The following SPOCK3 variants were observed in gnomAD, a reference collection of about 807,000 sequenced individuals.
SPOCK3 encodes testican-3.
Under a neutral mutation model 56.6 loss-of-function variants are expected in SPOCK3, and 30 were observed. The observed-to-expected ratio is 0.53, with a 90% CI of 0.40 to 0.72. The LOEUF (loss-of-function observed/expected upper bound fraction) is 0.72. Among genes scored for constraint, SPOCK3 ranks in the 30% least tolerant of loss-of-function variants. The pLI, the probability that SPOCK3 is intolerant of heterozygous loss-of-function variation, is 0.00. For synonymous variants in SPOCK3, 196 were observed against 183.3 expected, an observed-to-expected ratio of 1.07 and a Z score of -0.56; for missense variants, 527 against 530.0, an observed-to-expected ratio of 0.99 and a Z score of 0.06.
At chr4:167,073,874 CTAT>C in intron 2 of SPOCK3, among the ~76,000 whole-genome samples, 1 of 151,848 alleles carries the variant, frequency 6.6e-6, no homozygotes. Flanking sequence ...TGCTTTGTGA[CTAT>C]TATATCCTTT....
intron 2 of SPOCK3, among the ~76,000 whole-genome samples, chr4:167,182,535 G>A (rs1395433066): frequency 4.0e-5 from 6 of 151,244 alleles, no homozygotes; most frequent in African/African-American, 1.2e-4. Context: ...TCGCAAAGCA[G>A]TTTTCATGTT....
intron 7 of SPOCK3, 122 bp from the exon 8 acceptor site, chr4:166,754,851 G>T: frequency 3.8e-6 from 3 of 799,156 alleles, no homozygotes; most frequent in Non-Finnish European, 5.9e-6. Flanking sequence ...GAGAAGTAGA[G>T]CATTAAATTC....
upstream of SPOCK3, chr4:167,234,600 C>A: frequency 4.8e-6 from 1 of 206,654 alleles, no homozygotes. Flanking sequence ...CATCTCCACC[C>A]TCCCTTCGCG....
chr4:166,976,934 T>G (rs1392907584), intron 4 of SPOCK3, among the ~76,000 whole-genome samples: 1 of 151,708 alleles, frequency 6.6e-6, no homozygotes, highest in Non-Finnish European at 1.5e-5. Context: ...TTTTAATAAT[T>G]AAATTTATTT....
intron 2 of SPOCK3, among the ~76,000 whole-genome samples, chr4:167,070,839 G>C (rs1756604995): frequency 6.6e-6 from 1 of 151,870 alleles, no homozygotes; most frequent in African/African-American, 2.4e-5. Context: ...CTTTGTCTGG[G>C]TATAAAGGAA....
At chr4:166,900,028 G>A (rs906162277) in intron 5 of SPOCK3, among the ~76,000 whole-genome samples, 17 of 152,156 alleles carry the variant, frequency 1.1e-4, no homozygotes, top group African/African-American at 4.1e-4. Flanking sequence ...TGATTTGGAA[G>A]CCACTCAGCA....
At chr4:166,899,253 T>TCTAG (rs1735752818) in intron 5 of SPOCK3, among the ~76,000 whole-genome samples, 1 of 108,832 alleles carries the variant, frequency 9.2e-6, no homozygotes, top group African/African-American at 3.2e-5. Context: ...TATCTATCTA[T>TCTAG]CTATCTATCT....
intron 6 of SPOCK3, among the ~76,000 whole-genome samples, chr4:166,848,291 G>A (rs1187422562): frequency 6.6e-6 from 1 of 152,128 alleles, no homozygotes; most frequent in Non-Finnish European, 1.5e-5. Flanking sequence ...AGAAAAGGGA[G>A]TCAGAAACTT....
intron 4 of SPOCK3, among the ~76,000 whole-genome samples, chr4:166,945,561 C>T (rs6823924): frequency 0.16 from 24,069 of 152,050 alleles, 2,744 homozygotes; most frequent in African/African-American, 0.33. Flanking sequence ...GTTCCTGCCA[C>T]CCATCAACAT....
chr4:166,766,984 T>G (rs1414608412), intron 7 of SPOCK3, among the ~76,000 whole-genome samples: 2 of 152,206 alleles, frequency 1.3e-5, no homozygotes, highest in African/African-American at 4.8e-5. Flanking sequence ...GTAGAGGTGT[T>G]TATAGTATTC....
chr4:167,230,353 T>C (rs951470869), intron 2 of SPOCK3, among the ~76,000 whole-genome samples: 9 of 152,102 alleles, frequency 5.9e-5, no homozygotes, highest in Non-Finnish European at 5.9e-5. Context: ...ATAACGATGC[T>C]GATTTCCAAT....
In SPOCK3 at chr4:166,908,561, C is replaced by CAA. The variant is rs1736886276; in HGVS notation, c.474+4057_474+4058dup. 4.8e-5 allele frequency among the ~76,000 whole-genome samples: 7 copies of CAA among 144,724 alleles called. No individual in the cohort carries two copies. The South Asian group carries it at 1.5e-3, about 32-fold the overall frequency. 94.9% of individuals were successfully genotyped at this position (144,724 alleles called of 152,430 possible). ...ACACACACACACACACACACACACA[C>CAA]AATTTTATGAACAATACTAATTTCT... On this transcript the variant is annotated intron_variant, in intron 5 of 10. Transcript: ENST00000357545.
rs138852192 is a variant in SPOCK3 at position 167,061,912 on chromosome 4, C to T, written c.235+580G>A. Among the ~76,000 whole-genome samples the T allele has an allele frequency of 1.9e-3, 288 of 151,964 alleles. 1 individual carries two copies. The highest frequency in any genetic ancestry group is 6.8e-3 in the African/African-American group (282 of 41,518). On this transcript the variant is annotated intron_variant, in intron 3 of 10. Coordinates refer to ENST00000357545, the MANE Select transcript of SPOCK3 (RefSeq NM_001040159.2). ...GCTTGGGGCTTGATGTGTCCATTCTCATTGCACATGTAGAAGTATTTTCAT... is the reference window on the plus strand; with the variant it reads ...GCTTGGGGCTTGATGTGTCCATTCTTATTGCACATGTAGAAGTATTTTCAT...
At chr4:167,067,191 TC>T (rs776346590) in intron 2 of SPOCK3, among the ~76,000 whole-genome samples, 2 of 151,794 alleles carry the variant, frequency 1.3e-5, no homozygotes. Context: ...ATTTAAGTCA[TC>T]CCAGTGGCTA....
chr4:167,066,650 T>C (rs1264972554), intron 2 of SPOCK3, among the ~76,000 whole-genome samples: 3 of 151,924 alleles, frequency 2.0e-5, no homozygotes, highest in Non-Finnish European at 4.4e-5. Flanking sequence ...GGCTATATAA[T>C]ACTCTTTGGT....
chr4:167,031,390 T>G (rs1196476437), intron 3 of SPOCK3, among the ~76,000 whole-genome samples: 1 of 151,986 alleles, frequency 6.6e-6, no homozygotes, highest in Non-Finnish European at 1.5e-5. Context: ...ACAAATATTA[T>G]CCCGTTTTAC....
chr4:166,899,678 G>C (rs764688672), intron 5 of SPOCK3, among the ~76,000 whole-genome samples: 2 of 151,466 alleles, frequency 1.3e-5, no homozygotes, highest in Non-Finnish European at 2.9e-5. Flanking sequence ...CACCATGCCC[G>C]TCTAATTTTT....
In SPOCK3 at chr4:166,841,048, G is replaced by A. The variant is rs554022089; in HGVS notation, c.589+48082C>T. On this transcript the variant is annotated intron_variant, in intron 6 of 10. Coordinates refer to ENST00000357545, the MANE Select transcript of SPOCK3 (RefSeq NM_001040159.2). ...CAGCCTCAGCCTCCCAAAGAGCTAG[G>A]ATTACAGGCGTAAGCCCCCACGCCC... Among the ~76,000 whole-genome samples, 206 of 151,738 alleles carry A rather than the reference G, an allele frequency of 1.4e-3. 4 individuals carry two copies. The highest frequency in any genetic ancestry group is 0.012 in the Admixed American group (186 of 15,264).
chr4:167,151,164 C>T lies in SPOCK3; in HGVS notation c.189+82821G>A, dbSNP rs141282352. Among the ~76,000 whole-genome samples, 57 of 152,288 alleles carry T rather than the reference C, an allele frequency of 3.7e-4. 1 individual carries two copies. In the Middle Eastern group the frequency reaches 0.01, roughly 27 times the overall value. On this transcript the variant is annotated intron_variant, in intron 2 of 10. Transcript: ENST00000357545. ...CACCCAAGATGAGCTAAATTAGAGTCTCTGGGGTAGGCCTCAGACATCAAC... is the reference window on the plus strand; with the variant it reads ...CACCCAAGATGAGCTAAATTAGAGTTTCTGGGGTAGGCCTCAGACATCAAC...
Sources: allele counts gnomAD v4.1 joint callset (sites outside exome capture counted in the v4.1 genomes callset), GRCh38; gene constraint gnomAD v4.1.1; transcripts MANE v1.5; gene names NCBI Gene and HGNC (gene_info 2026-07-23, HGNC 2026-07-21).